The following LRMDA variants were observed in gnomAD, a reference collection of about 807,000 sequenced individuals.
The protein encoded by LRMDA is leucine-rich melanocyte differentiation-associated protein.
Under a neutral mutation model 29.8 loss-of-function variants are expected in LRMDA, and 18 were observed. The ratio of observed to expected loss-of-function variants is 0.60; its 90% confidence interval spans 0.42 to 0.90. The LOEUF is 0.90. LRMDA is among the 40% of genes least tolerant of loss of function. LRMDA has a pLI of 0.00. For missense variants in LRMDA, 273 were observed against 273.9 expected (o/e 1.00, Z 0.02); for synonymous variants, 125 against 109.4 (o/e 1.14, Z -0.89).
chr10:75,984,828 A>G (rs1847236605), intron 2 of LRMDA, among the ~76,000 whole-genome samples: 2 of 152,202 alleles, frequency 1.3e-5, no homozygotes, highest in Admixed American at 1.3e-4. Flanking sequence ...GGGCTCAAGA[A>G]CGTAAGCTGT....
chr10:75,653,906 C>T (rs1051352461), intron 2 of LRMDA, among the ~76,000 whole-genome samples: 3 of 152,154 alleles, frequency 2.0e-5, no homozygotes, highest in African/African-American at 4.8e-5. Flanking sequence ...CCTTTTTCCA[C>T]GTCTCTCTGA....
intron 2 of LRMDA, among the ~76,000 whole-genome samples, chr10:75,646,033 G>C (rs1350017972): frequency 6.7e-6 from 1 of 150,296 alleles, no homozygotes; most frequent in African/African-American, 2.5e-5. Flanking sequence ...AACATTTTGT[G>C]TTGTGCCCCC....
chr10:76,125,362 T>G (rs1012678711), intron 5 of LRMDA, among the ~76,000 whole-genome samples: 1 of 152,228 alleles, frequency 6.6e-6, no homozygotes, highest in Non-Finnish European at 1.5e-5. Context: ...CACAACACTT[T>G]GAAATGAGGT....
intron 2 of LRMDA, among the ~76,000 whole-genome samples, chr10:75,670,395 A>T (rs1045854323): frequency 7.3e-5 from 11 of 150,062 alleles, no homozygotes; most frequent in African/African-American, 2.5e-4. Flanking sequence ...CATTTTTTTT[A>T]AATACTCTAA....
intron 2 of LRMDA, among the ~76,000 whole-genome samples, chr10:75,666,411 T>C (rs1388711795): frequency 6.6e-6 from 1 of 151,434 alleles, no homozygotes; most frequent in Non-Finnish European, 1.5e-5. Context: ...TATATAGTTA[T>C]ACAGTATATA....
rs116100297 is a variant in LRMDA at position 76,049,801 on chromosome 10, C to T, written c.398+2498C>T. Reference sequence around the variant, plus strand: ...TTCCTGGCCCTTCATCCACAAAACACGAGGTTTGCCTTCCTTCTAGCTGTT... The same window carrying T: ...TTCCTGGCCCTTCATCCACAAAACATGAGGTTTGCCTTCCTTCTAGCTGTT... On this transcript the variant is annotated intron_variant, in intron 4 of 6. Coordinates refer to ENST00000611255, the MANE Select transcript of LRMDA (RefSeq NM_001305581.2). Among the ~76,000 whole-genome samples the T allele has an allele frequency of 2.4e-3, 368 of 152,208 alleles. 2 individuals carry two copies. Among genetic ancestry groups the T allele is most frequent in the African/African-American group, 7.4e-3 (307 of 41,512 alleles).
chr10:76,239,030 C>T (rs983276108), intron 5 of LRMDA, among the ~76,000 whole-genome samples: 23 of 152,132 alleles, frequency 1.5e-4, no homozygotes, highest in African/African-American at 2.4e-5. Context: ...ATCAACCAGG[C>T]CAACTCCCAG....
intron 5 of LRMDA, among the ~76,000 whole-genome samples, chr10:76,152,114 C>A (rs996683524): frequency 6.6e-6 from 1 of 152,186 alleles, no homozygotes; most frequent in Admixed American, 6.5e-5. Flanking sequence ...CACCACTATT[C>A]AATCAAAAAC....
intron 2 of LRMDA, among the ~76,000 whole-genome samples, chr10:75,939,133 C>A: frequency 6.6e-6 from 1 of 152,106 alleles, no homozygotes; most frequent in African/African-American, 2.4e-5. Context: ...CCTTGTGGTC[C>A]TAAAAACATA....
chr10:76,528,643 AAG>A (rs1843203391), intron 6 of LRMDA, among the ~76,000 whole-genome samples: 1 of 152,180 alleles, frequency 6.6e-6, no homozygotes, highest in African/African-American at 2.4e-5. Context: ...TAATAACAAA[AAG>A]AGTTTATGTG....
chr10:76,200,981 T>A (rs544652299), intron 5 of LRMDA, among the ~76,000 whole-genome samples: 9 of 151,630 alleles, frequency 5.9e-5, no homozygotes, highest in Admixed American at 3.9e-4. Context: ...CCTCCCAAAG[T>A]GCTGGGATTA....
intron 5 of LRMDA, among the ~76,000 whole-genome samples, chr10:76,237,832 C>A (rs1852183619): frequency 7.8e-6 from 1 of 128,744 alleles, no homozygotes; most frequent in Admixed American, 9.0e-5. Flanking sequence ...TGCTCTGTTG[C>A]CCAGGCTGGA....
chr10:75,685,080 A>T (rs960287670), intron 2 of LRMDA, among the ~76,000 whole-genome samples: 5 of 152,176 alleles, frequency 3.3e-5, no homozygotes, highest in African/African-American at 4.8e-5. Flanking sequence ...AGAGTCACTT[A>T]AATTTAATTT....
At chr10:75,518,835 A>C (rs1845325090) in intron 2 of LRMDA, among the ~76,000 whole-genome samples, 1 of 152,196 alleles carries the variant, frequency 6.6e-6, no homozygotes. Context: ...TCTTGTGGGC[A>C]CTTAGTGCTA....
chr10:76,215,101 G>T (rs905383056), intron 5 of LRMDA, among the ~76,000 whole-genome samples: 1 of 152,236 alleles, frequency 6.6e-6, no homozygotes, highest in Non-Finnish European at 1.5e-5. Context: ...GGTTGAGAAT[G>T]GTGTAGTAAG....
At chr10:75,699,396 A>C (rs114769739) in intron 2 of LRMDA, among the ~76,000 whole-genome samples, 2,722 of 152,334 alleles carry the variant, frequency 0.018, 91 homozygotes, top group African/African-American at 0.058. Context: ...CTCAATGCTG[A>C]AAACTATCTA....
intron 2 of LRMDA, among the ~76,000 whole-genome samples, chr10:75,580,026 G>A (rs770001194): frequency 9.2e-5 from 14 of 152,118 alleles, no homozygotes; most frequent in Admixed American, 3.3e-4. Context: ...CAAAGATGCC[G>A]TCTCTCACCA....
chr10:76,366,348 C>T (rs1356173314), intron 6 of LRMDA, among the ~76,000 whole-genome samples: 1 of 152,144 alleles, frequency 6.6e-6, no homozygotes, highest in East Asian at 1.9e-4. Context: ...GTCATTTTCA[C>T]AATATTGATT....
chr10:75,563,120 A>G (rs910489210), intron 2 of LRMDA, among the ~76,000 whole-genome samples: 1 of 152,038 alleles, frequency 6.6e-6, no homozygotes, highest in African/African-American at 2.4e-5. Context: ...TATCCTGCAG[A>G]GTGTTTTCCA....
Sources: gnomAD v4.1 joint callset for allele counts (sites outside exome capture counted in the v4.1 genomes callset) on GRCh38, gnomAD v4.1.1 for gene constraint, MANE v1.5 for transcripts, NCBI Gene and HGNC (gene_info 2026-07-23, HGNC 2026-07-21) for gene names.